NUP160: variants seen among roughly 807,000 people sequenced by gnomAD.
NUP160 encodes nucleoporin 160.
Under a neutral mutation model 196.9 loss-of-function variants are expected in NUP160, and 94 were observed. The observed-to-expected ratio is 0.48, with a 90% confidence interval of 0.40 to 0.57. The LOEUF (loss-of-function observed/expected upper bound fraction) is 0.57. Ranked by LOEUF, NUP160 falls within the 20% of genes least tolerant of loss-of-function variation. The pLI, the probability that NUP160 is intolerant of heterozygous loss-of-function variation, is 0.00. For missense variants in NUP160, 1,638 were observed against 1,748.3 expected (o/e 0.94, Z 1.13); for synonymous variants, 605 against 619.7 (o/e 0.98, Z 0.35).
intron 11 of NUP160, 117 bp downstream of exon 11, chr11:47,817,939 T>C (rs927087261): frequency 2.1e-5 from 12 of 565,102 alleles, no homozygotes; most frequent in East Asian, 2.9e-5. Flanking sequence ...CAAACACACA[T>C]ATGTATGAAT....
chr11:47,783,037 A>T lies in NUP160; in HGVS notation c.4116+36T>A, dbSNP rs768445501. The stretch of plus-strand genomic sequence containing the variant: ...GTAAAGTTGAAAAATCGTAAGTCAA[A>T]CCATTGTAAATTGGGGACCATTTGT... On this transcript the variant is annotated intron_variant, in intron 34 of 35. Transcript: ENST00000378460. The T allele has an allele frequency of 3.2e-6, 5 of 1,580,478 alleles. No individual in the cohort carries two copies. In the South Asian group the frequency reaches 4.5e-5, roughly 14 times the overall value.
chr11:47,811,498 G>C (rs1033322270), intron 17 of NUP160, among the ~76,000 whole-genome samples: 6 of 146,136 alleles, frequency 4.1e-5, no homozygotes, highest in Admixed American at 1.4e-4. Flanking sequence ...AAAAAAAAAA[G>C]AGAGAGAGAC....
chr11:47,779,976 C>T (rs1395457398), intron 35 of NUP160, among the ~76,000 whole-genome samples: 2 of 152,188 alleles, frequency 1.3e-5, no homozygotes, highest in Non-Finnish European at 2.9e-5. Context: ...GTAATCTGCC[C>T]GTCTCAGCCT....
intron 21 of NUP160, 95 bp downstream of exon 21, chr11:47,804,454 T>C (rs2097676277): frequency 1.3e-6 from 1 of 777,062 alleles, no homozygotes; most frequent in South Asian, 1.7e-5. Flanking sequence ...ATTATTGTGG[T>C]TCTTTAAAAT....
At chr11:47,785,793 T>C (rs1392597218) in intron 32 of NUP160, among the ~76,000 whole-genome samples, 1 of 152,218 alleles carries the variant, frequency 6.6e-6, no homozygotes, top group Non-Finnish European at 1.5e-5. Flanking sequence ...GTTATTCTGA[T>C]GTGCTAATTT....
intron 12 of NUP160, 33 bp from the exon 13 acceptor site, chr11:47,815,682 T>C: frequency 6.6e-7 from 1 of 1,523,378 alleles, no homozygotes; most frequent in East Asian, 2.3e-5. Context: ...AATTAAACTT[T>C]TGATGCCATT....
intron 10 of NUP160, 60 bp downstream of exon 10, chr11:47,819,312 CAA>C (rs398040227): frequency 7.8e-3 from 7,985 of 1,025,590 alleles, no homozygotes; most frequent in South Asian, 0.011. Context: ...GACTCTGTCT[CAA>C]AAAAAAAAAA....
chr11:47,828,920 A>AT (rs1488248259), intron 7 of NUP160, among the ~76,000 whole-genome samples: 2 of 152,172 alleles, frequency 1.3e-5, no homozygotes, highest in African/African-American at 4.8e-5. Context: ...ACCTCACACT[A>AT]TTAAAAAAAA....
chr11:47,848,408 A>T (rs1013395781), exon 1 of NUP160: 21 of 1,583,352 alleles, frequency 1.3e-5, no homozygotes, highest in Non-Finnish European at 1.7e-5. Flanking sequence ...GGAGCTGCGG[A>T]CAGGTGAAGC....
At chr11:47,792,755 C>T in intron 28 of NUP160, 31 bp downstream of exon 28, 2 of 1,564,426 alleles carry the variant, frequency 1.3e-6, no homozygotes, top group Non-Finnish European at 1.7e-6. Flanking sequence ...CAGGATGAAC[C>T]CCCAAATTCC....
chr11:47,847,956 G>T, exon 2 of NUP160: 1 of 1,613,388 alleles, frequency 6.2e-7, no homozygotes, highest in East Asian at 2.2e-5. Flanking sequence ...GGCATTTGCA[G>T]TCCCTGCAAA....
rs182708458 is a variant in NUP160 at position 47,840,958 on chromosome 11, G to A, written c.315-370C>T. On this transcript the variant is annotated intron_variant, in intron 2 of 35. Transcript: ENST00000378460. ...TCAAACAAAACTGACCTTAATAATT[G>A]CGGTTATTTCCTGTTTCTATTACTT... 1.8e-3 allele frequency among the ~76,000 whole-genome samples: 276 copies of A among 152,150 alleles called. No individual in the cohort carries two copies. The Middle Eastern group carries it at 0.027, about 15-fold the overall frequency.
chr11:47,782,300 AAAAATATATATAT>A (rs1472243454), intron 34 of NUP160, among the ~76,000 whole-genome samples: 9 of 42,510 alleles, frequency 2.1e-4, no homozygotes, highest in East Asian at 1.1e-3. Context: ...AAAAAAAAAA[AAAAATATATATAT>A]ATATATATAT....
chr11:47,783,093 G>A (rs1322460209), exon 34 of NUP160: 15 of 1,613,494 alleles, frequency 9.3e-6, no homozygotes, highest in South Asian at 4.4e-5. Flanking sequence ...AAGTATTGAT[G>A]TCCTTTTCCC....
At chr11:47,801,063 T>C (rs935761679) in intron 23 of NUP160, among the ~76,000 whole-genome samples, 1 of 152,092 alleles carries the variant, frequency 6.6e-6, no homozygotes, top group Non-Finnish European at 1.5e-5. Flanking sequence ...AAGGTCACCA[T>C]TGTTACAATG....
intron 18 of NUP160, among the ~76,000 whole-genome samples, chr11:47,807,736 G>A (rs1160170425): frequency 3.3e-5 from 5 of 152,008 alleles, no homozygotes; most frequent in Non-Finnish European, 7.4e-5. Context: ...CCTACCTAAA[G>A]TAACAAGCGT....
intron 2 of NUP160, among the ~76,000 whole-genome samples, chr11:47,842,588 A>C (rs1320903354): frequency 6.6e-6 from 1 of 152,130 alleles, no homozygotes; most frequent in Non-Finnish European, 1.5e-5. Context: ...TCAGCTCTGA[A>C]GCTCATGGAA....
intron 5 of NUP160, 94 bp downstream of exon 5, chr11:47,837,451 T>G (rs1403567736): frequency 5.3e-6 from 5 of 937,162 alleles, no homozygotes; most frequent in Admixed American, 3.8e-5. Flanking sequence ...AGTATAATGT[T>G]TGCCTTGGAA....
At chr11:47,784,052 A>ACAAAAAAAAC (rs1565185527) in intron 33 of NUP160, among the ~76,000 whole-genome samples, 1 of 151,960 alleles carries the variant, frequency 6.6e-6, no homozygotes, top group East Asian at 1.9e-4. Context: ...ACAAAACAAA[A>ACAAAAAAAAC]CAAAAAAAAC....
Sources: allele counts gnomAD v4.1 joint callset (sites outside exome capture counted in the v4.1 genomes callset), GRCh38; gene constraint gnomAD v4.1.1; transcripts MANE v1.5; gene names NCBI Gene and HGNC (gene_info 2026-07-23, HGNC 2026-07-21).